SYNPO2: variants seen among roughly 807,000 people sequenced by gnomAD.
The protein encoded by SYNPO2 is synaptopodin-2.
SYNPO2 carries 56 observed loss-of-function variants against 85.0 expected under a neutral mutation model. That is an observed-to-expected ratio of 0.66 (90% CI 0.53 to 0.82). SYNPO2 has a LOEUF of 0.82. SYNPO2 is among the 40% of genes least tolerant of loss of function. The pLI is 0.00. For synonymous variants in SYNPO2, 602 were observed against 591.1 expected, an observed-to-expected ratio of 1.02 and a Z score of -0.27; for missense variants, 1,575 against 1,534.2, an observed-to-expected ratio of 1.03 and a Z score of -0.44.
At position 119,031,244 on chromosome 4, in the gene SYNPO2, C is replaced by T. The variant is rs1158917860; in HGVS notation, c.2469C>T (p.Asn823=). ...YPPARPASTL[N]VAGPFKGPQA... ...CTGCCCGGCCTGCAAGTACTTTGAA[C>T]GTGGCTGGTCCCTTCAAAGGACCAC... The change falls in exon 4 of 5, where the codon AAC becomes AAT. Residue 823 remains asparagine (N), a synonymous_variant. Transcript: ENST00000307142. 2.5e-6 allele frequency: 4 copies of T among 1,614,016 alleles called. No homozygotes were observed. The African/African-American group carries it at 5.3e-5, about 22-fold the overall frequency.
intron 3 of SYNPO2, among the ~76,000 whole-genome samples, chr4:119,028,326 C>T (rs749574414): frequency 6.6e-5 from 10 of 150,476 alleles, no homozygotes; most frequent in East Asian, 5.9e-4. Context: ...GCAATGAATT[C>T]GGTTATTCAA....
At chr4:119,048,422 C>G (rs777750104) in intron 4 of SYNPO2, among the ~76,000 whole-genome samples, 11 of 152,102 alleles carry the variant, frequency 7.2e-5, no homozygotes, top group Non-Finnish European at 1.6e-4. Flanking sequence ...TCTAGGGAAG[C>G]CTTAAGGAAA....
Position 119,031,951 on chromosome 4 carries a change from A to G in SYNPO2, c.3176A>G (p.Gln1059Arg). The change falls in exon 4 of 5, where the codon CAA becomes CGA. Residue 1059 changes from glutamine to arginine, a missense_variant. Transcript: ENST00000307142. ...VPVGIPTSPK[Q>R]ESASSSYFVA... ...GTGGGCATTCCCACCTCGCCAAAGC[A>G]AGAATCAGCCTCATCATCTTATTTT... 3.1e-6 allele frequency: 5 copies of G among 1,614,242 alleles called. No homozygotes were observed. The highest frequency in any genetic ancestry group is 4.2e-6 in the Non-Finnish European group (5 of 1,180,042).
At position 119,039,263 on chromosome 4, in the gene SYNPO2, C is replaced by T. The variant is rs897993107; in HGVS notation, c.3252+7236C>T. Among the ~76,000 whole-genome samples, 4 of 152,172 alleles carry T rather than the reference C, an allele frequency of 2.6e-5. No homozygotes were observed. In the East Asian group the frequency reaches 7.7e-4, roughly 29 times the overall value. On this transcript the variant is annotated intron_variant, in intron 4 of 4. Coordinates refer to ENST00000307142, the MANE Select transcript of SYNPO2 (RefSeq NM_133477.3). ...AAGGAACTTGTGTAACATGGTAGGG[C>T]TAAGCCTCGGGACCCAACAGTCAAA...
intron 1 of SYNPO2, among the ~76,000 whole-genome samples, chr4:118,966,410 G>A (rs917673709): frequency 6.6e-6 from 1 of 152,036 alleles, no homozygotes; most frequent in African/African-American, 2.4e-5. Flanking sequence ...AGGCTTGTTT[G>A]AGTTGGTTTG....
chr4:118,889,346 G>A (rs1185317065), intron 1 of SYNPO2, among the ~76,000 whole-genome samples: 1 of 152,094 alleles, frequency 6.6e-6, no homozygotes, highest in Non-Finnish European at 1.5e-5. Flanking sequence ...ACTTGCAATC[G>A]ATGAGGGGTG....
At chr4:118,864,718 T>C (rs972017946) in intron 1 of SYNPO2, among the ~76,000 whole-genome samples, 1 of 152,242 alleles carries the variant, frequency 6.6e-6, no homozygotes, top group Non-Finnish European at 1.5e-5. Context: ...TCTCTTCTTA[T>C]GGTATCTGTC....
At chr4:118,872,134 G>A (rs911612597) in intron 1 of SYNPO2, among the ~76,000 whole-genome samples, 38 of 152,128 alleles carry the variant, frequency 2.5e-4, no homozygotes, top group African/African-American at 7.5e-4. Context: ...TTTTCTTTGC[G>A]TAAATGAATG....
rs75019348 is a variant in SYNPO2, at chr4:118,853,744, T to C, written c.12+2804T>C. Among the ~76,000 whole-genome samples the C allele has an allele frequency of 1.7e-3, 262 of 152,228 alleles. 2 individuals carry two copies. Among genetic ancestry groups the C allele is most frequent in the African/African-American group, 5.9e-3 (247 of 41,556 alleles). On this transcript the variant is annotated intron_variant, in intron 1 of 4. Coordinates refer to the SYNPO2 transcript ENST00000610556. ...ATCATTGCCTCCTACAGTCTTGGCA[T>C]TGTAGCCAATTATGCCATGGCCTGT...
intron 1 of SYNPO2, among the ~76,000 whole-genome samples, chr4:118,883,345 G>A (rs1578517619): frequency 1.3e-5 from 2 of 152,218 alleles, no homozygotes; most frequent in Middle Eastern, 3.4e-3. Context: ...AAGTAATGAT[G>A]TTTTTTGAGT....
At chr4:118,886,337 T>C (rs937329801), upstream of SYNPO2, among the ~76,000 whole-genome samples, 21 of 152,316 alleles carry the variant, frequency 1.4e-4, no homozygotes, top group East Asian at 3.1e-3. Flanking sequence ...TTGCTGCACC[T>C]ATCAACCCGT....
intron 1 of SYNPO2, among the ~76,000 whole-genome samples, chr4:118,962,104 C>T (rs74792921): frequency 0.11 from 16,346 of 152,116 alleles, 918 homozygotes; most frequent in East Asian, 0.16. Context: ...ACTGATGGTT[C>T]ATGTGGTTAG....
At chr4:118,970,482 AT>A (rs1250685527) in intron 1 of SYNPO2, among the ~76,000 whole-genome samples, 2 of 152,052 alleles carry the variant, frequency 1.3e-5, no homozygotes, top group African/African-American at 4.8e-5. Flanking sequence ...TATCCCTCCA[AT>A]TTTTTTACTA....
chr4:118,869,834 A>G (rs1472435359), intron 1 of SYNPO2, among the ~76,000 whole-genome samples: 1 of 152,198 alleles, frequency 6.6e-6, no homozygotes, highest in Non-Finnish European at 1.5e-5. Flanking sequence ...AGCCACGGTT[A>G]CCTTGCTCAT....
intron 4 of SYNPO2, chr4:119,044,083 C>T (rs1179772675): frequency 6.6e-6 from 1 of 151,958 alleles, no homozygotes. Flanking sequence ...CCCGAGACAT[C>T]CTTTCAGTGA....
chr4:118,999,762 G>A (rs1736756307), intron 1 of SYNPO2, among the ~76,000 whole-genome samples: 1 of 152,138 alleles, frequency 6.6e-6, no homozygotes, highest in South Asian at 2.1e-4. Context: ...AATCATATTT[G>A]AAGACAGAAG....
At position 119,030,390 on chromosome 4, in the gene SYNPO2, A is replaced by G. The variant is rs948708259; in HGVS notation, c.1615A>G (p.Lys539Glu). The G allele has an allele frequency of 4.3e-6, 7 of 1,614,180 alleles. No homozygotes were observed. The highest frequency in any genetic ancestry group is 5.9e-6 in the Non-Finnish European group (7 of 1,180,036). ...GAGAACCACGACTTCTTACCAAAGA[A>G]AGGAGGAAGAGTCGGTAAGAACGCA... The part of the protein sequence containing the change: ...GLRTTTSYQR[K>E]EEESVRTQSS... The change falls in exon 4 of 5, where the codon AAG becomes GAG. Residue 539 changes from lysine to glutamate, a missense_variant. Coordinates refer to ENST00000307142, the MANE Select transcript of SYNPO2 (RefSeq NM_133477.3).
chr4:119,042,243 G>A (rs1449456754), intron 4 of SYNPO2: 1 of 147,562 alleles, frequency 6.8e-6, no homozygotes, highest in Non-Finnish European at 1.5e-5. Context: ...TTTTAAAAAA[G>A]ACAAAAGACT....
intron 1 of SYNPO2, among the ~76,000 whole-genome samples, chr4:118,988,599 T>C (rs1736304153): frequency 6.6e-6 from 1 of 152,244 alleles, no homozygotes; most frequent in Non-Finnish European, 1.5e-5. Context: ...CTACGAGTTA[T>C]TCTGAAAAAC....
Sources: gnomAD v4.1 joint callset for allele counts (sites outside exome capture counted in the v4.1 genomes callset) on GRCh38, gnomAD v4.1.1 for gene constraint, MANE v1.5 for transcripts, NCBI Gene and HGNC (gene_info 2026-07-23, HGNC 2026-07-21) for gene names.